ADIPOR2: variants seen among roughly 807,000 people sequenced by gnomAD.
ADIPOR2 encodes adiponectin receptor protein 2.
A neutral mutation model predicts 40.9 loss-of-function variants in ADIPOR2; 18 were observed. That is an observed-to-expected ratio of 0.44 (90% confidence interval 0.30 to 0.65). The LOEUF (loss-of-function observed/expected upper bound fraction) is 0.65. Among genes scored for constraint, ADIPOR2 ranks in the 30% least tolerant of loss-of-function variants. The probability of loss-of-function intolerance (pLI) is 0.09; values close to 1 mark genes in which losing one functional copy is unlikely to be tolerated. For missense variants in ADIPOR2, 283 were observed against 479.2 expected, an observed-to-expected ratio of 0.59 and a Z score of 3.82; for synonymous variants, 165 against 166.4, an observed-to-expected ratio of 0.99 and a Z score of 0.06.
chr12:1,740,089 C>T (rs867354517), intron 1 of ADIPOR2, among the ~76,000 whole-genome samples: 4 of 151,366 alleles, frequency 2.6e-5, no homozygotes, highest in Admixed American at 6.6e-5. Context: ...GCGACAAGAG[C>T]GAGGCTCCAT....
chr12:1,717,659 C>T (rs566843525), intron 1 of ADIPOR2, among the ~76,000 whole-genome samples: 6 of 151,788 alleles, frequency 4.0e-5, no homozygotes, highest in Middle Eastern at 3.4e-3. Context: ...GAGCTGAGAT[C>T]GTGCCATTGT....
intron 2 of ADIPOR2, 48 bp downstream of exon 2, chr12:1,754,562 A>G (rs11061971): frequency 6.5e-7 from 1 of 1,545,364 alleles, no homozygotes; most frequent in Non-Finnish European, 8.8e-7. Context: ...ATGTGGAGGA[A>G]GTGGCAGAGG....
At chr12:1,759,246 A>G (rs1020051703) in intron 2 of ADIPOR2, among the ~76,000 whole-genome samples, 1 of 152,234 alleles carries the variant, frequency 6.6e-6, no homozygotes, top group African/African-American at 2.4e-5. Context: ...TAGAACGAAT[A>G]TATCATAGTA....
chr12:1,757,219 C>A, intron 2 of ADIPOR2: 1 of 496,534 alleles, frequency 2.0e-6, no homozygotes, highest in Non-Finnish European at 3.7e-6. Flanking sequence ...AACATGTCAC[C>A]CAGGGACCAT....
At position 1,772,849 on chromosome 12, in the gene ADIPOR2, AG is replaced by A. The variant is rs1456375541; in HGVS notation, c.181del (p.Glu61AsnfsTer45). ...TCTGTGATTGCCTTGCAGAGCTCTG[AG>A]GAACATGAATACAGTGATGAAGCTC... The part of the protein sequence containing the change: ...VLSSHHKKSS[E>X]EHEYSDEAPQ... On this transcript the variant is annotated frameshift_variant, in exon 3 of 8. Coordinates refer to ENST00000357103, the MANE Select transcript of ADIPOR2 (RefSeq NM_024551.3). LOFTEE classifies it high-confidence loss of function. 8 of 1,610,906 alleles carry A rather than the reference AG, an allele frequency of 5.0e-6. No individual in the cohort carries two copies. In the Admixed American group the frequency reaches 1.3e-4, roughly 27 times the overall value.
At chr12:1,712,845 G>A (rs1233148559) in intron 1 of ADIPOR2, among the ~76,000 whole-genome samples, 7 of 152,084 alleles carry the variant, frequency 4.6e-5, no homozygotes, top group Admixed American at 4.6e-4. Context: ...TCTTGCTGAG[G>A]GCCCTGGTTC....
intron 1 of ADIPOR2, chr12:1,697,313 T>G (rs2094641211): frequency 6.6e-6 from 1 of 152,292 alleles, no homozygotes; most frequent in African/African-American, 2.4e-5. Flanking sequence ...GGAGCCACTC[T>G]TCCCAGTGAC....
intron 1 of ADIPOR2, among the ~76,000 whole-genome samples, chr12:1,748,854 G>A (rs970358930): frequency 6.6e-6 from 1 of 151,906 alleles, no homozygotes; most frequent in African/African-American, 2.4e-5. Context: ...CCAAGCAGCA[G>A]ACAGCAGCCT....
intron 2 of ADIPOR2, among the ~76,000 whole-genome samples, chr12:1,756,159 TA>T (rs1353019841): frequency 6.6e-6 from 1 of 151,854 alleles, no homozygotes; most frequent in African/African-American, 2.4e-5. Flanking sequence ...ATTATAATTA[TA>T]TTTTTTTTGA....
intron 6 of ADIPOR2, 76 bp from the exon 7 acceptor site, chr12:1,783,804 G>C: frequency 2.5e-6 from 3 of 1,203,460 alleles, no homozygotes; most frequent in Non-Finnish European, 3.5e-6. Context: ...AGAGTTAATG[G>C]TGCTGTGCTG....
intron 1 of ADIPOR2, among the ~76,000 whole-genome samples, chr12:1,708,095 G>A (rs1216297782): frequency 1.3e-5 from 2 of 150,700 alleles, no homozygotes; most frequent in Non-Finnish European, 1.5e-5. Flanking sequence ...CAGTATAACA[G>A]CTATTTATAT....
chr12:1,781,118 C>A (rs1254873750), intron 6 of ADIPOR2, 42 bp downstream of exon 6: 1 of 1,490,700 alleles, frequency 6.7e-7, no homozygotes, highest in South Asian at 1.3e-5. Flanking sequence ...TTCATTTATT[C>A]ACTAGTTAAA....
intron 3 of ADIPOR2, among the ~76,000 whole-genome samples, 171 bp downstream of exon 3, chr12:1,773,132 A>G (rs1862521259): frequency 6.6e-6 from 1 of 152,216 alleles, no homozygotes; most frequent in African/African-American, 2.4e-5. Flanking sequence ...GACAGAATAC[A>G]TTTGTTGGCT....
At chr12:1,766,649 C>T (rs1224734629) in intron 2 of ADIPOR2, among the ~76,000 whole-genome samples, 1 of 152,112 alleles carries the variant, frequency 6.6e-6, no homozygotes, top group Non-Finnish European at 1.5e-5. Flanking sequence ...ATAAGAGAGG[C>T]ATTTCAAACC....
At chr12:1,731,746 G>A (rs2094720814) in intron 1 of ADIPOR2, among the ~76,000 whole-genome samples, 1 of 152,178 alleles carries the variant, frequency 6.6e-6, no homozygotes, top group African/African-American at 2.4e-5. Flanking sequence ...GATCACCTGA[G>A]GTCAGGAGTT....
At chr12:1,705,349 T>G (rs1403664593) in intron 1 of ADIPOR2, among the ~76,000 whole-genome samples, 4 of 152,228 alleles carry the variant, frequency 2.6e-5, no homozygotes, top group Non-Finnish European at 4.4e-5. Flanking sequence ...CTGTTGTTCC[T>G]TGTATTAGCA....
At chr12:1,753,210 A>G (rs1862040500) in intron 1 of ADIPOR2, among the ~76,000 whole-genome samples, 1 of 152,208 alleles carries the variant, frequency 6.6e-6, no homozygotes, top group East Asian at 1.9e-4. Flanking sequence ...TTTATTAGCT[A>G]GCATATACCC....
rs1471862367 is a variant in ADIPOR2, at chr12:1,691,097, G to T, written c.-181G>T. ...AAGCGGCATCGCGGCGGCGGCAGCG[G>T]CGGCGGCTACACCGGGCTTGGCCCC... is the stretch of plus-strand genomic sequence containing the variant. On this transcript the variant is annotated 5_prime_UTR_variant, in exon 1 of 8. Coordinates refer to ENST00000357103, the MANE Select transcript of ADIPOR2 (RefSeq NM_024551.3). The T allele has an allele frequency of 6.0e-6, 1 of 165,926 alleles. No homozygotes were observed. Among genetic ancestry groups the T allele is most frequent in the Non-Finnish European group, 1.3e-5 (1 of 77,378 alleles). 10.3% of individuals were successfully genotyped at this position (165,926 alleles called of 1,614,324 possible). A position where few individuals can be genotyped will look rare whatever the true frequency, so the allele number is the denominator to read the frequency against.
chr12:1,784,118 G>T (rs1395702744), intron 7 of ADIPOR2, 45 bp downstream of exon 7: 1 of 1,467,050 alleles, frequency 6.8e-7, no homozygotes, highest in Admixed American at 2.3e-5. Context: ...CTGCTCATGA[G>T]TTATTGGCAT....
Sources: allele counts gnomAD v4.1 joint callset (sites outside exome capture counted in the v4.1 genomes callset), GRCh38; gene constraint gnomAD v4.1.1; transcripts MANE v1.5; gene names NCBI Gene and HGNC (gene_info 2026-07-23, HGNC 2026-07-21).